The following METAP1D variants were observed in gnomAD, a reference collection of about 807,000 sequenced individuals.
The protein encoded by METAP1D is methionine aminopeptidase 1D, mitochondrial.
In METAP1D, 31 loss-of-function variants were observed where a neutral mutation model predicts 40.5. That is an observed-to-expected ratio of 0.77 (90% CI 0.58 to 1.03). The LOEUF (loss-of-function observed/expected upper bound fraction) is 1.03. METAP1D is among the 50% of genes least tolerant of loss of function. METAP1D has a pLI of 0.00. For synonymous variants in METAP1D, 151 were observed against 146.4 expected (o/e 1.03, Z -0.22); for missense variants, 411 against 420.7 (o/e 0.98, Z 0.20).
intron 1 of METAP1D, among the ~76,000 whole-genome samples, chr2:172,024,376 C>T (rs947845708): frequency 6.6e-6 from 1 of 151,824 alleles, no homozygotes; most frequent in African/African-American, 2.4e-5. Context: ...AAAAATGTAC[C>T]CACCTCATAC....
chr2:172,041,726 T>A lies in METAP1D; in HGVS notation c.41-19772T>A, dbSNP rs1207620756. Among the ~76,000 whole-genome samples, 12 of 37,568 alleles carry A rather than the reference T, an allele frequency of 3.2e-4. 1 individual carries two copies. Among genetic ancestry groups the A allele is most frequent in the African/African-American group, 4.8e-4 (6 of 12,436 alleles). 24.6% of individuals were successfully genotyped at this position (37,568 alleles called of 152,430 possible). A position where few individuals can be genotyped will look rare whatever the true frequency, so the allele number is the denominator to read the frequency against. On this transcript the variant is annotated intron_variant, in intron 1 of 9. Transcript: ENST00000315796. Reference sequence around the variant, plus strand: ...TTTTAATTTCCTTACTCTAATTATTTTATATATATATATATATATATATAT... The same window carrying A: ...TTTTAATTTCCTTACTCTAATTATTATATATATATATATATATATATATAT...
intron 1 of METAP1D, among the ~76,000 whole-genome samples, chr2:172,007,985 C>T (rs1377049671): frequency 2.0e-5 from 3 of 151,232 alleles, no homozygotes; most frequent in African/African-American, 7.3e-5. Flanking sequence ...CGCGCCTAGC[C>T]GGATATTATT....
chr2:172,010,853 C>G (rs916696993), intron 1 of METAP1D, among the ~76,000 whole-genome samples: 6 of 150,740 alleles, frequency 4.0e-5, no homozygotes, highest in African/African-American at 1.5e-4. Flanking sequence ...CTCCCAGGTT[C>G]AAGCGATTGT....
In METAP1D at chr2:172,080,787, C is replaced by T. The variant is rs1458268536; in HGVS notation, c.*381C>T. ...TCCATTGTATCAGAGGTCCTTACCT[C>T]TCTGACAGTTACAGTGATCTTTGTA... On this transcript the variant is annotated 3_prime_UTR_variant, in exon 10 of 10. Transcript: ENST00000315796. The T allele has an allele frequency of 9.9e-6, 3 of 303,710 alleles. No homozygotes were observed. The highest frequency in any genetic ancestry group is 1.9e-5 in the Non-Finnish European group (3 of 161,080). The allele number at this position is 303,710 out of a possible 1,614,324, so 18.8% of individuals were successfully genotyped here. A position where few individuals can be genotyped will look rare whatever the true frequency, so the allele number is the denominator to read the frequency against.
intron 6 of METAP1D, among the ~76,000 whole-genome samples, chr2:172,073,011 A>G (rs932038853): frequency 6.6e-6 from 1 of 152,188 alleles, no homozygotes; most frequent in Non-Finnish European, 1.5e-5. Flanking sequence ...TGCTACATAA[A>G]TGTACTGTCC....
chr2:172,037,131 G>A (rs1470379832), intron 1 of METAP1D, among the ~76,000 whole-genome samples: 1 of 152,126 alleles, frequency 6.6e-6, no homozygotes, highest in Non-Finnish European at 1.5e-5. Flanking sequence ...GCATGGTGGT[G>A]CATACCTATA....
Position 172,041,326 on chromosome 2 carries a change from G to A in METAP1D, c.41-20172G>A, listed in dbSNP as rs1448772104. On this transcript the variant is annotated intron_variant, in intron 1 of 9. Coordinates refer to ENST00000315796, the MANE Select transcript of METAP1D (RefSeq NM_199227.3). ...ATACAAAAATTAGCTGGGCGTGGTG[G>A]TGTGCACCTATAGTCCCAGCTACGT... 1.9e-5 allele frequency among the ~76,000 whole-genome samples: 2 copies of A among 104,032 alleles called. 1 individual carries two copies. The highest frequency in any genetic ancestry group is 5.0e-5 in the Non-Finnish European group (2 of 39,712). The allele number at this position is 104,032 out of a possible 152,430, so 68.2% of individuals were successfully genotyped here.
intron 1 of METAP1D, among the ~76,000 whole-genome samples, chr2:172,020,393 T>G (rs1253719407): frequency 6.6e-6 from 1 of 152,140 alleles, no homozygotes; most frequent in Non-Finnish European, 1.5e-5. Context: ...AGCTTTCGGG[T>G]AGTTGATTAA....
intron 1 of METAP1D, among the ~76,000 whole-genome samples, chr2:172,057,931 C>T (rs1690037397): frequency 7.4e-6 from 1 of 134,406 alleles, no homozygotes. Flanking sequence ...ATTTTTTGTG[C>T]AGACTTTTTT....
chr2:172,070,932 A>C lies in METAP1D; in HGVS notation c.566A>C (p.Asp189Ala). 6.2e-7 allele frequency: 1 copy of C among 1,612,224 alleles called. No individual in the cohort carries two copies. The highest frequency in any genetic ancestry group is 8.5e-7 in the Non-Finnish European group (1 of 1,178,822). ...GTCTATTACAATGGCTACCATGGAG[A>C]CACCTCTGAAACATTTTTGGTGGGC... ...VTVYYNGYHG[D>A]TSETFLVGNV... Residue 189 changes from aspartate (D) to alanine (A), a missense_variant, in exon 6 of 10, where the codon GAC (aspartate) becomes GCC (alanine). Transcript: ENST00000315796.
intron 1 of METAP1D, among the ~76,000 whole-genome samples, chr2:172,027,724 T>G (rs1689149652): frequency 6.6e-6 from 1 of 152,278 alleles, no homozygotes; most frequent in Admixed American, 6.5e-5. Flanking sequence ...TAATTTGTCT[T>G]CAGTTGTCGT....
intron 1 of METAP1D, among the ~76,000 whole-genome samples, chr2:172,033,169 A>C (rs1689279292): frequency 6.6e-6 from 1 of 152,188 alleles, no homozygotes; most frequent in South Asian, 2.1e-4. Context: ...GAAACATATT[A>C]ATTGACACCA....
intron 1 of METAP1D, among the ~76,000 whole-genome samples, chr2:172,061,064 T>C (rs1379208926): frequency 6.6e-6 from 1 of 152,196 alleles, no homozygotes; most frequent in Non-Finnish European, 1.5e-5. Flanking sequence ...AGTAATCCTA[T>C]GGAGGGCAAA....
In METAP1D at chr2:172,049,862, G is replaced by A. The variant is rs182625728; in HGVS notation, c.41-11636G>A. Among the ~76,000 whole-genome samples, 348 of 152,162 alleles carry A rather than the reference G, an allele frequency of 2.3e-3. 1 individual carries two copies. The highest frequency in any genetic ancestry group is 7.9e-3 in the African/African-American group (326 of 41,494). ...GTAATTATTGACCTATCTACCTACCGATTTACCACTCCTATTGACTGGTTA... is the reference window on the plus strand; with the variant it reads ...GTAATTATTGACCTATCTACCTACCAATTTACCACTCCTATTGACTGGTTA... On this transcript the variant is annotated intron_variant, in intron 1 of 9. Transcript: ENST00000315796.
intron 1 of METAP1D, among the ~76,000 whole-genome samples, chr2:172,005,520 T>TTTTTTTTATATA (rs1267182910): frequency 9.0e-6 from 1 of 110,940 alleles, no homozygotes. Flanking sequence ...TGTCTGTATT[T>TTTTTTTTATATA]TATATATATA....
intron 1 of METAP1D, among the ~76,000 whole-genome samples, chr2:172,056,819 G>A (rs1034145751): frequency 6.6e-6 from 1 of 152,204 alleles, no homozygotes; most frequent in Non-Finnish European, 1.5e-5. Flanking sequence ...AGTCTCAGAA[G>A]TTTTGGTAAC....
At chr2:172,028,556 G>C (rs62183815) in intron 1 of METAP1D, among the ~76,000 whole-genome samples, 4 of 68,594 alleles carry the variant, frequency 5.8e-5, no homozygotes, top group African/African-American at 8.0e-5. Context: ...GTGTGTGTGT[G>C]TGTGTGTGTG....
intron 1 of METAP1D, among the ~76,000 whole-genome samples, chr2:172,001,430 C>T (rs1688458608): frequency 2.6e-5 from 4 of 151,816 alleles, no homozygotes; most frequent in African/African-American, 4.8e-5. Flanking sequence ...CCCAGCTACT[C>T]GGGAGACTGA....
intron 1 of METAP1D, among the ~76,000 whole-genome samples, chr2:172,018,742 C>T (rs186803777): frequency 6.6e-6 from 1 of 152,024 alleles, no homozygotes; most frequent in East Asian, 1.9e-4. Flanking sequence ...CCCCATCCCC[C>T]CCTCACCCCA....
Sources: gnomAD v4.1 joint callset for allele counts (sites outside exome capture counted in the v4.1 genomes callset) on GRCh38, gnomAD v4.1.1 for gene constraint, MANE v1.5 for transcripts, NCBI Gene and HGNC (gene_info 2026-07-23, HGNC 2026-07-21) for gene names.